SSH2: variants seen among roughly 807,000 people sequenced by gnomAD.
SSH2 encodes protein phosphatase Slingshot homolog 2.
A neutral mutation model predicts 135.2 loss-of-function variants in SSH2; 37 were observed. The ratio of observed to expected loss-of-function variants is 0.27; its 90% CI spans 0.21 to 0.36. The LOEUF is 0.36. Ranked by LOEUF, SSH2 falls within the 10% of genes least tolerant of loss-of-function variation. SSH2 has a pLI of 1.00. For synonymous variants in SSH2, 628 were observed against 646.2 expected, an observed-to-expected ratio of 0.97 and a Z score of 0.43; for missense variants, 1,408 against 1,765.3, an observed-to-expected ratio of 0.80 and a Z score of 3.63.
intron 3 of SSH2, among the ~76,000 whole-genome samples, chr17:29,744,737 A>G (rs1309178867): frequency 6.6e-6 from 1 of 152,178 alleles, no homozygotes; most frequent in Non-Finnish European, 1.5e-5. Context: ...TCCATTGTAA[A>G]TATTATAAGC....
chr17:29,844,178 A>C (rs534401411), intron 2 of SSH2, among the ~76,000 whole-genome samples: 1 of 152,302 alleles, frequency 6.6e-6, no homozygotes, highest in South Asian at 2.1e-4. Flanking sequence ...TCCTTCAAGA[A>C]TATAACAAAC....
intron 3 of SSH2, chr17:29,761,128 G>A: frequency 1.6e-6 from 2 of 1,288,338 alleles, no homozygotes; most frequent in Non-Finnish European, 2.0e-6. Flanking sequence ...TCGCGGAGGC[G>A]GAGGGCGCGC....
intron 3 of SSH2, among the ~76,000 whole-genome samples, chr17:29,759,372 G>A (rs1055881566): frequency 6.6e-6 from 1 of 152,164 alleles, no homozygotes; most frequent in South Asian, 2.1e-4. Flanking sequence ...TTAGGTTGGT[G>A]TAAAAGTAAC....
chr17:29,922,637 T>C (rs1010727144), intron 1 of SSH2, among the ~76,000 whole-genome samples: 2 of 152,106 alleles, frequency 1.3e-5, no homozygotes, highest in Non-Finnish European at 2.9e-5. Flanking sequence ...TCCTAAAAAA[T>C]TAGTAGTGAT....
chr17:29,713,912 A>G (rs2039527805), intron 3 of SSH2, among the ~76,000 whole-genome samples: 1 of 152,124 alleles, frequency 6.6e-6, no homozygotes, highest in South Asian at 2.1e-4. Flanking sequence ...AACTGGTCTC[A>G]AGTAACTTCC....
intron 2 of SSH2, among the ~76,000 whole-genome samples, chr17:29,797,426 G>C (rs909098332): frequency 2.0e-5 from 3 of 152,104 alleles, no homozygotes; most frequent in African/African-American, 7.2e-5. Flanking sequence ...TACTTTATGG[G>C]AAGATTTTTG....
chr17:29,783,015 C>A (rs2041873921), intron 3 of SSH2, among the ~76,000 whole-genome samples: 1 of 152,112 alleles, frequency 6.6e-6, no homozygotes, highest in Non-Finnish European at 1.5e-5. Context: ...GCCACCGCGC[C>A]TGGCCTGGAT....
intron 2 of SSH2, among the ~76,000 whole-genome samples, chr17:29,796,934 T>G (rs2042167049): frequency 6.6e-6 from 1 of 151,776 alleles, no homozygotes; most frequent in Non-Finnish European, 1.5e-5. Flanking sequence ...TGCCTCTCCC[T>G]CCTGAGTAGC....
rs2038688486 is a variant in SSH2, at chr17:29,695,483, G to A, written c.333C>T (p.Leu111=). ...QQHLQAMFIL[L]RPEDNIRLAV... Reference sequence around the variant, plus strand: ...CCAGCCTGATGTTGTCTTCTGGGCGGAGTAAAATGAACATTGCTTGGAGAT... The same window carrying A: ...CCAGCCTGATGTTGTCTTCTGGGCGAAGTAAAATGAACATTGCTTGGAGAT... The change falls in exon 5 of 16, where the codon CTC becomes CTT. Residue 111 remains leucine, a synonymous_variant. Transcript: ENST00000540801. 1 of 1,612,612 alleles carries A rather than the reference G, an allele frequency of 6.2e-7. No homozygotes were observed. Among genetic ancestry groups the A allele is most frequent in the Non-Finnish European group, 8.5e-7 (1 of 1,179,458 alleles).
chr17:29,677,729 G>A lies in SSH2; in HGVS notation c.492C>T (p.Thr164=), dbSNP rs754975126. Residue 164 remains threonine, a synonymous_variant, in exon 7 of 16, where the codon ACC becomes ACT. Coordinates refer to ENST00000540801, the MANE Select transcript of SSH2 (RefSeq NM_001282129.2). ...TCCAGAGAGGCAAAACTAAGCCCAT[G>A]GTACAAGTGCTACTGCAAGACAAGA... ...DFSSNDSSTC[T]MGLVLPLWSD... The A allele has an allele frequency of 1.9e-6, 3 of 1,613,788 alleles. No homozygotes were observed. The South Asian group carries it at 3.3e-5, about 18-fold the overall frequency.
intron 1 of SSH2, among the ~76,000 whole-genome samples, chr17:29,890,987 C>T (rs2066339301): frequency 6.6e-6 from 1 of 152,130 alleles, no homozygotes. Context: ...ATCTCTTGAC[C>T]TCGTGATCTG....
intron 3 of SSH2, among the ~76,000 whole-genome samples, chr17:29,761,795 G>A (rs2628189): frequency 0.44 from 66,889 of 151,034 alleles, 15,204 homozygotes; most frequent in Non-Finnish European, 0.49. Context: ...ATATTTATCA[G>A]AGACTTCCTA....
intron 3 of SSH2, among the ~76,000 whole-genome samples, chr17:29,752,323 A>G (rs1256002972): frequency 6.6e-6 from 1 of 152,232 alleles, no homozygotes; most frequent in Non-Finnish European, 1.5e-5. Flanking sequence ...GAGTACTGGC[A>G]TATGAACAGA....
intron 3 of SSH2, among the ~76,000 whole-genome samples, chr17:29,772,269 G>A (rs2041602360): frequency 6.8e-6 from 1 of 146,874 alleles, no homozygotes; most frequent in East Asian, 2.0e-4. Flanking sequence ...TTTTTGAGAC[G>A]GAGTCTCGCT....
At chr17:29,760,939 C>T (rs2041271926) in intron 3 of SSH2, among the ~76,000 whole-genome samples, 2 of 152,100 alleles carry the variant, frequency 1.3e-5, no homozygotes, top group Admixed American at 1.3e-4. Flanking sequence ...CTTCCGTCCA[C>T]CCCCACCCCG....
Position 29,666,892 on chromosome 17 carries a change from G to A in SSH2, c.1007C>T (p.Thr336Ile). The A allele has an allele frequency of 6.2e-7, 1 of 1,614,106 alleles. No individual in the cohort carries two copies. The highest frequency in any genetic ancestry group is 8.5e-7 in the Non-Finnish European group (1 of 1,179,990). ...CAGGAACACATGCTCAAATATCTGT[G>A]TAGGGCTATCCATTTGACCAAGGAT... ...IVILGQMDSPTQIFEHVFLGS... is the reference protein window; with the variant it reads ...IVILGQMDSPIQIFEHVFLGS... Residue 336 changes from threonine (T) to isoleucine (I), a missense_variant, in exon 11 of 16, where the codon ACA (threonine) becomes ATA (isoleucine). By Grantham distance (89) the Thr-to-Ile change is moderately conservative (BLOSUM62 -1). Coordinates refer to ENST00000540801, the MANE Select transcript of SSH2 (RefSeq NM_001282129.2).
rs770106327 is a variant in SSH2, at chr17:29,632,814, G to C, written c.2380C>G (p.Gln794Glu). Residue 794 changes from glutamine to glutamate, a missense_variant, in exon 16 of 16, where the codon CAA becomes GAA. Gln to Glu is a conservative substitution (Grantham distance 29). Around this residue, in one of 3 missense-constraint regions of SSH2, gnomAD observed 1,080 missense variants for 1,144.5 expected, o/e 0.94. Coordinates refer to ENST00000540801, the MANE Select transcript of SSH2 (RefSeq NM_001282129.2). ...ESISQGVGQI[Q>E]LKGDILPNPC... is the part of the protein sequence containing the mutation. ...TTGGGTAAGATGTCTCCTTTCAGTT[G>C]AATCTGCCCAACTCCTTGACTGATG... is the stretch of plus-strand genomic sequence containing the variant. 1.2e-6 allele frequency: 2 copies of C among 1,614,120 alleles called. No individual in the cohort carries two copies. The highest frequency in any genetic ancestry group is 1.7e-6 in the Non-Finnish European group (2 of 1,180,022).
intron 8 of SSH2, among the ~76,000 whole-genome samples, chr17:29,673,585 A>G (rs2037583757): frequency 6.6e-6 from 1 of 152,062 alleles, no homozygotes. Context: ...AAAAAAAAAA[A>G]GTATTTTTGT....
At chr17:29,836,128 G>A (rs946826675) in intron 2 of SSH2, among the ~76,000 whole-genome samples, 1 of 152,034 alleles carries the variant, frequency 6.6e-6, no homozygotes, top group Admixed American at 6.6e-5. Context: ...CAACCCTGGG[G>A]TGGATTCCAA....
Sources: allele counts gnomAD v4.1 joint callset (sites outside exome capture counted in the v4.1 genomes callset), GRCh38; gene constraint gnomAD v4.1.1; regional missense constraint gnomAD v4.1.1; transcripts MANE v1.5; gene names NCBI Gene and HGNC (gene_info 2026-07-23, HGNC 2026-07-21).